Variants in UNC50 observed in about 807,000 individuals in gnomAD.
The protein encoded by UNC50 is protein unc-50 homolog.
UNC50 carries 24 observed loss-of-function variants against 31.5 expected under a neutral mutation model. The ratio of observed to expected loss-of-function variants is 0.76; its 90% CI spans 0.55 to 1.07. UNC50 has a LOEUF of 1.07. UNC50 is among the 50% of genes least tolerant of loss of function. UNC50 has a pLI of 0.00. For missense variants in UNC50, 245 were observed against 304.2 expected, an observed-to-expected ratio of 0.81 and a Z score of 1.45; for synonymous variants, 118 against 114.7, an observed-to-expected ratio of 1.03 and a Z score of -0.18.
Position 98,609,716 on chromosome 2 carries a change from T to A in UNC50, c.-4-40T>A, listed in dbSNP as rs1196507173. 5.0e-6 allele frequency: 8 copies of A among 1,611,020 alleles called. No individual in the cohort carries two copies. In the Middle Eastern group the frequency reaches 5.0e-4, roughly 100 times the overall value. ...AGGAGTGTCGGTAGCCAAATGTTTCTTCAGAATACGTGTAAAAGAAATGTT... is the reference window on the plus strand; with the variant it reads ...AGGAGTGTCGGTAGCCAAATGTTTCATCAGAATACGTGTAAAAGAAATGTT... On this transcript the variant is annotated intron_variant, in intron 1 of 5. Transcript: ENST00000357765.
At chr2:98,615,992 C>T (rs979651941) in intron 3 of UNC50, among the ~76,000 whole-genome samples, 5 of 152,180 alleles carry the variant, frequency 3.3e-5, no homozygotes, top group Admixed American at 3.3e-4. Flanking sequence ...AGTTTGTATT[C>T]TCCACATTTC....
intron 5 of UNC50, among the ~76,000 whole-genome samples, chr2:98,616,941 G>C (rs1228249655): frequency 6.6e-6 from 1 of 152,182 alleles, no homozygotes; most frequent in Non-Finnish European, 1.5e-5. Flanking sequence ...CCAGCATCTT[G>C]TTACATAGGT....
Position 98,609,770 on chromosome 2 carries a change from G to A in UNC50, c.11G>A (p.Ser4Asn), listed in dbSNP as rs753456454. 37 of 1,614,132 alleles carry A rather than the reference G, an allele frequency of 2.3e-5. No individual in the cohort carries two copies. In the South Asian group the frequency reaches 4.0e-4, roughly 17 times the overall value. MLP[S>N]TSVNSLVQGN... ...CTTCCATCTAGGAAGATGTTACCGA[G>A]TACTTCAGTGAATTCCTTAGTGCAG... is the stretch of plus-strand genomic sequence containing the variant. Residue 4 changes from serine to asparagine, a missense_variant, in exon 2 of 6, where the codon AGT (serine) becomes AAT (asparagine). Ser to Asn is a conservative substitution (Grantham distance 46). Transcript: ENST00000357765.
chr2:98,611,668 A>T (rs1285200932), intron 3 of UNC50, among the ~76,000 whole-genome samples: 2 of 152,144 alleles, frequency 1.3e-5, no homozygotes, highest in Non-Finnish European at 2.9e-5. Context: ...GGGTCCCGAG[A>T]TTTATTTTCT....
chr2:98,609,683 C>G, intron 1 of UNC50, 73 bp from the exon 2 acceptor site: 1 of 1,601,114 alleles, frequency 6.2e-7, no homozygotes, highest in Non-Finnish European at 8.5e-7. Flanking sequence ...TGCCAAATAA[C>G]TCAGAAGAGG....
chr2:98,611,402 C>T (rs1700826510), intron 3 of UNC50, among the ~76,000 whole-genome samples: 4 of 152,190 alleles, frequency 2.6e-5, no homozygotes, highest in Admixed American at 2.6e-4. Flanking sequence ...ATCTGCCTTT[C>T]ACTGAATACA....
At position 98,608,648 on chromosome 2, in the gene UNC50, C is replaced by A. The variant is rs926673197; in HGVS notation, c.-83C>A. ...TCCGTTGAGGGAAGGGAAGCCCGCC[C>A]GGTGGCGGCTGGGGTCGGCTGCTGG... On this transcript the variant is annotated 5_prime_UTR_variant, in exon 1 of 6. Coordinates refer to ENST00000357765, the MANE Select transcript of UNC50 (RefSeq NM_014044.7). 3.6e-6 allele frequency: 2 copies of A among 561,896 alleles called. No individual in the cohort carries two copies. Among genetic ancestry groups the A allele is most frequent in the Non-Finnish European group, 6.3e-6 (2 of 315,224 alleles). 34.8% of individuals were successfully genotyped at this position (561,896 alleles called of 1,614,324 possible). A position where few individuals can be genotyped will look rare whatever the true frequency, so the allele number is the denominator to read the frequency against.
At position 98,610,866 on chromosome 2, in the gene UNC50, C is replaced by T. The variant is rs777220898; in HGVS notation, c.372C>T (p.Gly124=). Residue 124 remains glycine (G), a synonymous_variant, in exon 3 of 6, where the codon GGC becomes GGT. Transcript: ENST00000357765. The part of the protein sequence containing the change: ...LLWVVLIDCV[G]VGLLIATLMW... The stretch of plus-strand genomic sequence containing the variant: ...GGGTTGTACTCATAGATTGTGTAGG[C>T]GTTGGTCTTCTGATAGCAACTTTAA... 2.4e-5 allele frequency: 38 copies of T among 1,613,982 alleles called. No individual in the cohort carries two copies. The highest frequency in any genetic ancestry group is 3.3e-4 in the Middle Eastern group (2 of 6,060).
intron 3 of UNC50, among the ~76,000 whole-genome samples, chr2:98,612,496 G>A (rs997571532): frequency 3.3e-5 from 5 of 150,482 alleles, no homozygotes; most frequent in African/African-American, 7.3e-5. Context: ...TGCAACCTCC[G>A]CCTCCCGGGT....
In UNC50 at chr2:98,610,039, GGTAA is replaced by G. The variant is rs768627056; in HGVS notation, c.280+3_280+6del. On this transcript the variant is annotated splice_donor_variant and splice_donor_region_variant and intron_variant, in intron 2 of 5. Coordinates refer to ENST00000357765, the MANE Select transcript of UNC50 (RefSeq NM_014044.7). LOFTEE classifies it high-confidence loss of function. Reference sequence around the variant, plus strand: ...GGTCCTGTTAAGTATCTGGCTCTGTGGTAAGTGTGTTTATCTGAGATAGAATTGA... The same window carrying G: ...GGTCCTGTTAAGTATCTGGCTCTGTGGTGTGTTTATCTGAGATAGAATTGA... 2 of 1,608,884 alleles carry G rather than the reference GGTAA, an allele frequency of 1.2e-6. No homozygotes were observed. The highest frequency in any genetic ancestry group is 1.7e-6 in the Non-Finnish European group (2 of 1,176,160).
rs1363602519 is a variant in UNC50 at position 98,618,298 on chromosome 2, GAAAT to G, written c.778_*1del. On this transcript the variant is annotated frameshift_variant and stop_lost, in exon 6 of 6. Coordinates refer to ENST00000357765, the MANE Select transcript of UNC50 (RefSeq NM_014044.7). LOFTEE classifies it high-confidence loss of function. ...TCTGTTCTTTCTATAAGTACAGAGT[GAAAT>G]AAAAAGTGAGAAGAAGATTCAATCG... is the stretch of plus-strand genomic sequence containing the variant. The G allele has an allele frequency of 6.3e-7, 1 of 1,587,968 alleles. No individual in the cohort carries two copies. Among genetic ancestry groups the G allele is most frequent in the East Asian group, 2.2e-5 (1 of 44,620 alleles).
At chr2:98,610,744 C>T in intron 2 of UNC50, 31 bp from the exon 3 acceptor site, 1 of 1,611,600 alleles carries the variant, frequency 6.2e-7, no homozygotes, top group South Asian at 1.1e-5. Flanking sequence ...TAGCAGAGTC[C>T]CTAAATGAAT....
intron 3 of UNC50, among the ~76,000 whole-genome samples, chr2:98,611,478 G>T (rs1024532718): frequency 6.6e-6 from 1 of 152,174 alleles, no homozygotes; most frequent in Non-Finnish European, 1.5e-5. Flanking sequence ...CAGTGAGTCT[G>T]CATTTTTACA....
Position 98,610,896 on chromosome 2 carries a change from G to A in UNC50, c.401+1G>A. 6.2e-7 allele frequency: 1 copy of A among 1,613,038 alleles called. No homozygotes were observed. Among genetic ancestry groups the A allele is most frequent in the Non-Finnish European group, 8.5e-7 (1 of 1,179,580 alleles). ...GTCTTCTGATAGCAACTTTAATGTG[G>A]TAAGTACCATAACTTTGGTTTTTCA... is the stretch of plus-strand genomic sequence containing the variant. On this transcript the variant is annotated splice_donor_variant, in intron 3 of 5. Coordinates refer to ENST00000357765, the MANE Select transcript of UNC50 (RefSeq NM_014044.7). LOFTEE classifies it high-confidence loss of function.
chr2:98,618,208 A>T lies in UNC50; in HGVS notation c.684A>T (p.Pro228=). Residue 228 remains proline, a synonymous_variant, in exon 6 of 6, where the codon CCA becomes CCT. Coordinates refer to ENST00000357765, the MANE Select transcript of UNC50 (RefSeq NM_014044.7). ...AAAATACAGTAATTCTTCTGTATCC[A>T]TTTGCACCTCTGATTCTGCTCTACG... ...FLKNTVILLY[P]FAPLILLYGL... 6.2e-7 allele frequency: 1 copy of T among 1,608,358 alleles called. No individual in the cohort carries two copies. The highest frequency in any genetic ancestry group is 1.7e-5 in the Admixed American group (1 of 59,270).
chr2:98,616,347 GT>G lies in UNC50; in HGVS notation c.541+2del. 2 of 1,613,742 alleles carry G rather than the reference GT, an allele frequency of 1.2e-6. No individual in the cohort carries two copies. Among genetic ancestry groups the G allele is most frequent in the Non-Finnish European group, 1.7e-6 (2 of 1,179,916 alleles). On this transcript the variant is annotated splice_donor_variant, in intron 4 of 5. Coordinates refer to ENST00000357765, the MANE Select transcript of UNC50 (RefSeq NM_014044.7). LOFTEE classifies it high-confidence loss of function. ...TTTATCCAGCTTTTTTTCATCAACCGTAAGTAGCAGTTAATTAGAGTATTAT... is the reference window on the plus strand; with the variant it reads ...TTTATCCAGCTTTTTTTCATCAACCGAAGTAGCAGTTAATTAGAGTATTAT...
chr2:98,616,582 G>A lies in UNC50; in HGVS notation c.643+49G>A, dbSNP rs185211574. 5 of 1,486,978 alleles carry A rather than the reference G, an allele frequency of 3.4e-6. No homozygotes were observed. In the South Asian group the frequency reaches 4.6e-5, roughly 14 times the overall value. 92.1% of individuals were successfully genotyped at this position (1,486,978 alleles called of 1,614,324 possible). ...TTGGTTGAGAACATAGCAAGAGGGGGAAAGTTGTAACAGTAGTACAAACAG... is the reference window on the plus strand; with the variant it reads ...TTGGTTGAGAACATAGCAAGAGGGGAAAAGTTGTAACAGTAGTACAAACAG... On this transcript the variant is annotated intron_variant, in intron 5 of 5. Transcript: ENST00000357765.
At chr2:98,611,194 A>G (rs1418560518) in intron 3 of UNC50, among the ~76,000 whole-genome samples, 1 of 152,246 alleles carries the variant, frequency 6.6e-6, no homozygotes, top group African/African-American at 2.4e-5. Flanking sequence ...AGTTAAGGAC[A>G]TGCCTGTGAC....
intron 3 of UNC50, among the ~76,000 whole-genome samples, chr2:98,613,654 G>T (rs773050375): frequency 6.6e-5 from 10 of 152,234 alleles, no homozygotes; most frequent in African/African-American, 1.4e-4. Context: ...GGATTCTGGG[G>T]ATTGCTGTTC....
Sources: gnomAD v4.1 joint callset for allele counts (sites outside exome capture counted in the v4.1 genomes callset) on GRCh38, gnomAD v4.1.1 for gene constraint, MANE v1.5 for transcripts, NCBI Gene and HGNC (gene_info 2026-07-23, HGNC 2026-07-21) for gene names.